The following PAPLN variants were observed in gnomAD, a reference collection of about 807,000 sequenced individuals.
PAPLN encodes the protein papilin, proteoglycan like sulfated glycoprotein, also known as papilin.
In PAPLN, 146 loss-of-function variants were observed where a neutral mutation model predicts 159.0. The observed-to-expected ratio is 0.92, with a 90% confidence interval of 0.80 to 1.05. PAPLN has a LOEUF of 1.05. Ranked by LOEUF, PAPLN falls within the 50% of genes least tolerant of loss-of-function variation. PAPLN has a pLI of 0.00. For synonymous variants in PAPLN, 734 were observed against 702.9 expected, an observed-to-expected ratio of 1.04 and a Z score of -0.70; for missense variants, 1,720 against 1,743.9, an observed-to-expected ratio of 0.99 and a Z score of 0.24.
chr14:73,246,035 C>T, intron 4 of PAPLN, 38 bp from the exon 5 acceptor site: 2 of 1,507,536 alleles, frequency 1.3e-6, no homozygotes, highest in Non-Finnish European at 1.8e-6. Flanking sequence ...ACCTCGGACT[C>T]CGCCCTCCTG....
rs929110157 is a variant in PAPLN at position 73,245,292 on chromosome 14, A to G, written c.171-344A>G. The G allele has an allele frequency of 6.3e-6, 2 of 316,684 alleles. No homozygotes were observed. The highest frequency in any genetic ancestry group is 2.2e-5 in the African/African-American group (1 of 46,302). 19.6% of individuals were successfully genotyped at this position (316,684 alleles called of 1,614,324 possible). A position where few individuals can be genotyped will look rare whatever the true frequency, so the allele number is the denominator to read the frequency against. On this transcript the variant is annotated intron_variant, in intron 3 of 26. Coordinates refer to ENST00000644200, the MANE Select transcript of PAPLN (RefSeq NM_001365906.3). The surrounding 1 kb of genome is among the most constrained non-coding windows in gnomAD (Gnocchi z 4.2). ...CCAGGAATGATCCTAAGAGCCTTATACTGATGTCCTGCTTAGATCGCAGGA... is the reference window on the plus strand; with the variant it reads ...CCAGGAATGATCCTAAGAGCCTTATGCTGATGTCCTGCTTAGATCGCAGGA...
At chr14:73,259,602 C>T (rs781080276) in intron 16 of PAPLN, 57 bp downstream of exon 16, 214 of 1,429,972 alleles carry the variant, frequency 1.5e-4, no homozygotes, top group Non-Finnish European at 1.8e-4. Flanking sequence ...GGTGGGACCC[C>T]GTGGGTGGGC....
At position 73,259,315 on chromosome 14, in the gene PAPLN, GGGTGACCACAGGGGAGAACGA is replaced by G. The variant is rs1168079320; in HGVS notation, c.1763_1783del (p.His588_Asp594del). The G allele has an allele frequency of 4.4e-6, 7 of 1,599,898 alleles. No homozygotes were observed. The African/African-American group carries it at 5.4e-5, about 12-fold the overall frequency. ...CAGCCCAGGAACACCCCTCAGCCAG[GGGTGACCACAGGGGAGAACGA>G]GGTGACCCCAGGGGCGACCAAGGCA... On this transcript the variant is annotated inframe_deletion, in exon 16 of 27. Transcript: ENST00000644200.
rs150674956 is a variant in PAPLN, at chr14:73,252,056, G to A, written c.882G>A (p.Glu294=). 62 of 1,612,482 alleles carry A rather than the reference G, an allele frequency of 3.8e-5. No individual in the cohort carries two copies. The highest frequency in any genetic ancestry group is 1.8e-4 in the Admixed American group (11 of 59,900). The change falls in exon 10 of 27, where the codon GAG becomes GAA. Residue 294 remains glutamate, a synonymous_variant. Transcript: ENST00000644200. The part of the protein sequence containing the change: ...SQEPNPGVHY[E]YHLPLRRPSP... ...AGCCCAACCCCGGTGTGCACTATGA[G>A]TACCACCTGCCCCTGCGCCGCCCCA...
chr14:73,244,137 T>A (rs2091913), intron 2 of PAPLN: 9,024 of 156,846 alleles, frequency 0.058, 355 homozygotes, highest in Non-Finnish European at 0.09. Context: ...TATTTTTTTT[T>A]TAAATTTTGG....
At chr14:73,266,231 G>A (rs1439494279) in intron 23 of PAPLN, among the ~76,000 whole-genome samples, 1 of 152,136 alleles carries the variant, frequency 6.6e-6, no homozygotes, top group Non-Finnish European at 1.5e-5. Context: ...CCAGCTACTC[G>A]GGAGGCTGAG....
chr14:73,272,733 T>C lies in PAPLN; in HGVS notation c.*69T>C, dbSNP rs1594843667. On this transcript the variant is annotated 3_prime_UTR_variant, in exon 27 of 27. Coordinates refer to ENST00000644200, the MANE Select transcript of PAPLN (RefSeq NM_001365906.3). ...GCTAGGGAGAAAGGAAGATGGACTCTTGGCTTCCTCTCTCTGGCTGGCAAA... is the reference window on the plus strand; with the variant it reads ...GCTAGGGAGAAAGGAAGATGGACTCCTGGCTTCCTCTCTCTGGCTGGCAAA... The C allele has an allele frequency of 2.2e-6, 3 of 1,385,670 alleles. No homozygotes were observed. The highest frequency in any genetic ancestry group is 2.0e-4 in the Middle Eastern group (1 of 5,022). The allele number at this position is 1,385,670 out of a possible 1,614,324, so 85.8% of individuals were successfully genotyped here.
At position 73,254,757 on chromosome 14, in the gene PAPLN, C is replaced by T. The variant is rs545077173; in HGVS notation, c.1485+62C>T. The T allele has an allele frequency of 7.3e-5, 117 of 1,592,220 alleles. 2 individuals carry two copies. The South Asian group carries it at 7.7e-4, about 11-fold the overall frequency. On this transcript the variant is annotated intron_variant, in intron 13 of 26. Coordinates refer to ENST00000644200, the MANE Select transcript of PAPLN (RefSeq NM_001365906.3). ...CTGGTCTCTGGCAGGTGGCTGCACCCGAGCGCCGTCCTTGGACCTGACACG... is the reference window on the plus strand; with the variant it reads ...CTGGTCTCTGGCAGGTGGCTGCACCTGAGCGCCGTCCTTGGACCTGACACG...
chr14:73,239,496 TCTC>T, intron 1 of PAPLN: 1 of 459,042 alleles, frequency 2.2e-6, no homozygotes, highest in South Asian at 4.2e-5. Context: ...TTTTAATTGC[TCTC>T]TCTTTTTTTC....
upstream of PAPLN, among the ~76,000 whole-genome samples, chr14:73,236,483 T>G (rs559103053): frequency 6.6e-6 from 1 of 151,262 alleles, no homozygotes; most frequent in African/African-American, 2.4e-5. Context: ...AGCTCAGGAG[T>G]TCGAGACCAG....
chr14:73,257,984 G>A (rs1215085122), intron 14 of PAPLN, among the ~76,000 whole-genome samples: 2 of 151,882 alleles, frequency 1.3e-5, no homozygotes, highest in Non-Finnish European at 2.9e-5. Flanking sequence ...GGCTGGTCTC[G>A]AAACTCCTGA....
At chr14:73,251,864 G>A (rs187624907) in intron 9 of PAPLN, 28 bp downstream of exon 9, 13 of 1,571,944 alleles carry the variant, frequency 8.3e-6, no homozygotes, top group Middle Eastern at 1.7e-4. Flanking sequence ...GAGAGAGGGC[G>A]AGTGGGCAGC....
Position 73,253,947 on chromosome 14 carries a change from G to A in PAPLN, c.1288G>A (p.Glu430Lys). Residue 430 changes from glutamate (E) to lysine (K), a missense_variant, in exon 12 of 27, where the codon GAG (glutamate) becomes AAG (lysine). By Grantham distance (56) the Glu-to-Lys change is moderately conservative (BLOSUM62 1). Coordinates refer to ENST00000644200, the MANE Select transcript of PAPLN (RefSeq NM_001365906.3). ...NLQRCAAWSP[E>K]PWGECSVSCG... is the part of the protein sequence containing the mutation. ...GCAGCGCTGTGCAGCCTGGAGCCCG[G>A]AGCCCTGGGGAGAGGTCAGGCCCCT... 1 of 1,611,178 alleles carries A rather than the reference G, an allele frequency of 6.2e-7. No homozygotes were observed. Among genetic ancestry groups the A allele is most frequent in the South Asian group, 1.1e-5 (1 of 91,004 alleles).
rs142371835 is a variant in PAPLN at position 73,265,504 on chromosome 14, C to G, written c.3260C>G (p.Pro1087Arg). ...WQRDGQPVSS[P>R]RHQLQPDGSL... The stretch of plus-strand genomic sequence containing the variant: ...AGAGATGGGCAGCCTGTCTCTTCTC[C>G]CAGGTTTATTTGACTCCTCTCCCCT... The change falls in exon 23 of 27, where the codon CCC (proline) becomes CGC (arginine). Residue 1087 changes from proline to arginine, a missense_variant. Physicochemically the swap from Pro to Arg is moderately radical, Grantham distance 103 (BLOSUM62 -2). Coordinates refer to ENST00000644200, the MANE Select transcript of PAPLN (RefSeq NM_001365906.3). The surrounding 1 kb of genome is among the most constrained non-coding windows in gnomAD (Gnocchi z 4.1). 61 of 1,613,688 alleles carry G rather than the reference C, an allele frequency of 3.8e-5. No homozygotes were observed. In the African/African-American group the frequency reaches 6.3e-4, roughly 17 times the overall value.
chr14:73,261,348 T>C, intron 18 of PAPLN, 54 bp downstream of exon 18: 5 of 1,586,228 alleles, frequency 3.2e-6, no homozygotes, highest in Non-Finnish European at 4.3e-6. Context: ...GCTCCCACCA[T>C]GCCTCCAGCC....
intron 14 of PAPLN, 92 bp downstream of exon 14, chr14:73,255,110 C>A: frequency 1.3e-6 from 2 of 1,483,214 alleles, no homozygotes; most frequent in Non-Finnish European, 9.1e-7. Flanking sequence ...GGGGCCTCTG[C>A]CTGCACTGTG....
intron 18 of PAPLN, chr14:73,262,124 G>T: frequency 2.0e-6 from 1 of 503,846 alleles, no homozygotes; most frequent in Admixed American, 3.7e-5. Flanking sequence ...CTCTAGCTCT[G>T]TGGGTGAAGG....
intron 26 of PAPLN, among the ~76,000 whole-genome samples, chr14:73,270,575 A>T (rs1887629215): frequency 6.6e-6 from 1 of 152,250 alleles, no homozygotes. Flanking sequence ...TCATGTCCAG[A>T]AAATTGACCT....
At chr14:73,272,460 C>G in intron 26 of PAPLN, 35 bp from the exon 27 acceptor site, 1 of 1,480,400 alleles carries the variant, frequency 6.8e-7, no homozygotes, top group Non-Finnish European at 9.1e-7. Context: ...CACAGAGCTT[C>G]CTCACCACCT....
Sources: allele counts gnomAD v4.1 joint callset (sites outside exome capture counted in the v4.1 genomes callset), GRCh38; gene constraint gnomAD v4.1.1; non-coding constraint Gnocchi (gnomAD v3.1); transcripts MANE v1.5; gene names NCBI Gene and HGNC (gene_info 2026-07-23, HGNC 2026-07-21).